The following SMPD1 variants were observed in gnomAD, a reference collection of about 807,000 sequenced individuals.
SMPD1 encodes the protein sphingomyelin phosphodiesterase.
In SMPD1, 47 loss-of-function variants were observed where a neutral mutation model predicts 49.7. The observed-to-expected ratio is 0.95, with a 90% confidence interval of 0.75 to 1.21. The LOEUF (loss-of-function observed/expected upper bound fraction) is 1.21. Among genes scored for constraint, SMPD1 ranks in the 50% most tolerant of loss-of-function variants. The pLI is 0.00. For missense variants in SMPD1, 811 were observed against 822.2 expected (o/e 0.99, Z 0.17); for synonymous variants, 336 against 339.6 (o/e 0.99, Z 0.12).
intron 2 of SMPD1, 149 bp downstream of exon 2, chr11:6,392,305 T>C: frequency 1.3e-6 from 1 of 747,514 alleles, no homozygotes; most frequent in African/African-American, 1.8e-5. Flanking sequence ...CCTCCTTCCC[T>C]TTCTACTGTT....
In SMPD1 at chr11:6,390,822, G is replaced by T; in HGVS notation, c.224G>T (p.Arg75Leu). The T allele has an allele frequency of 6.2e-7, 1 of 1,614,086 alleles. No homozygotes were observed. Among genetic ancestry groups the T allele is most frequent in the Non-Finnish European group, 8.5e-7 (1 of 1,179,990 alleles). Residue 75 changes from arginine to leucine, a missense_variant, in exon 1 of 6, where the codon CGC becomes CTC. Coordinates refer to ENST00000342245, the MANE Select transcript of SMPD1 (RefSeq NM_000543.5). The part of the protein sequence containing the change: ...SPQGHPARLH[R>L]IVPRLRDVFG... ...CAAGGCCATCCTGCCAGGTTACATCGCATAGTGCCCCGGCTCCGAGATGTC... is the reference window on the plus strand; with the variant it reads ...CAAGGCCATCCTGCCAGGTTACATCTCATAGTGCCCCGGCTCCGAGATGTC...
intron 2 of SMPD1, 173 bp downstream of exon 2, chr11:6,392,329 C>CATTTTTTTTTT (rs1847963174): frequency 2.6e-6 from 1 of 377,886 alleles, no homozygotes; most frequent in Non-Finnish European, 4.5e-6. Context: ...CCGCACCAGG[C>CATTTTTTTTTT]TTTTTTTTTT....
At chr11:6,393,064 C>G (rs1387419244) in intron 2 of SMPD1, among the ~76,000 whole-genome samples, 152 bp from the exon 3 acceptor site, 2 of 152,108 alleles carry the variant, frequency 1.3e-5, no homozygotes, top group African/African-American at 2.4e-5. Context: ...CACACAGACC[C>G]AATAATTAGA....
rs767492080 is a variant in SMPD1, at chr11:6,393,621, A to G, written c.1268A>G (p.His423Arg). The G allele has an allele frequency of 1.2e-6, 2 of 1,612,754 alleles. No individual in the cohort carries two copies. Among genetic ancestry groups the G allele is most frequent in the Non-Finnish European group, 1.7e-6 (2 of 1,178,876 alleles). The change falls in exon 4 of 6, where the codon CAT becomes CGT. Residue 423 changes from histidine (H) to arginine (R), a missense_variant. By Grantham distance (29) the His-to-Arg change is conservative. Transcript: ENST00000342245. Reference sequence around the variant, plus strand: ...ATCCTTAATTCTCCCTACTAGGTGCATATAATTGGCCACATTCCCCCAGGG... The same window carrying G: ...ATCCTTAATTCTCCCTACTAGGTGCGTATAATTGGCCACATTCCCCCAGGG... ...QAAEDRGDKV[H>R]IIGHIPPGHC...
Position 6,390,711 on chromosome 11 carries a change from C to T in SMPD1, c.113C>T (p.Ala38Val), listed in dbSNP as rs71467507. ...PGLLWMGLVL[A>V]LALALALALA... is the part of the protein sequence containing the mutation. ...CTCCTTTGGATGGGCCTGGTGCTGG[C>T]GCTGGCGCTGGCGCTGGCGCTGGCG... Residue 38 changes from alanine to valine, a missense_variant, in exon 1 of 6, where the codon GCG (alanine) becomes GTG (valine). Physicochemically the swap from Ala to Val is moderately conservative, Grantham distance 64. Coordinates refer to ENST00000342245, the MANE Select transcript of SMPD1 (RefSeq NM_000543.5). 81 of 519,178 alleles carry T rather than the reference C, an allele frequency of 1.6e-4. No homozygotes were observed. Among genetic ancestry groups the T allele is most frequent in the Middle Eastern group, 4.1e-4 (1 of 2,418 alleles). The allele number at this position is 519,178 out of a possible 1,614,324, so 32.2% of individuals were successfully genotyped here. A position where few individuals can be genotyped will look rare whatever the true frequency, so the allele number is the denominator to read the frequency against.
chr11:6,390,561 C>A lies in SMPD1; in HGVS notation c.-38C>A. On this transcript the variant is annotated 5_prime_UTR_variant, in exon 1 of 6. Coordinates refer to ENST00000342245, the MANE Select transcript of SMPD1 (RefSeq NM_000543.5). ...TGGCTAGGGTCCAGGCCGGGGGGGACGGGACAGACGAACCAGCCCCGTGTA... is the reference window on the plus strand; with the variant it reads ...TGGCTAGGGTCCAGGCCGGGGGGGAAGGGACAGACGAACCAGCCCCGTGTA... The A allele has an allele frequency of 4.4e-6, 7 of 1,598,718 alleles. No homozygotes were observed. Among genetic ancestry groups the A allele is most frequent in the Non-Finnish European group, 6.0e-6 (7 of 1,174,086 alleles).
rs769808075 is a variant in SMPD1, at chr11:6,390,852, G to T, written c.254G>T (p.Gly85Val). 2.5e-6 allele frequency: 4 copies of T among 1,614,184 alleles called. No homozygotes were observed. The South Asian group carries it at 3.3e-5, about 13-fold the overall frequency. ...RIVPRLRDVF[G>V]WGNLTCPICK... The stretch of plus-strand genomic sequence containing the variant: ...GTGCCCCGGCTCCGAGATGTCTTTG[G>T]GTGGGGGAACCTCACCTGCCCAATC... The change falls in exon 1 of 6, where the codon GGG becomes GTG. Residue 85 changes from glycine to valine, a missense_variant. By Grantham distance (109) the Gly-to-Val change is moderately radical (BLOSUM62 -3). Coordinates refer to ENST00000342245, the MANE Select transcript of SMPD1 (RefSeq NM_000543.5).
chr11:6,392,322 C>T (rs921470513), intron 2 of SMPD1, 166 bp downstream of exon 2: 4 of 626,678 alleles, frequency 6.4e-6, no homozygotes, highest in South Asian at 2.2e-5. Context: ...TGTTTTGCCG[C>T]ACCAGGCTTT....
In SMPD1 at chr11:6,394,787, G is replaced by C; in HGVS notation, c.*180G>C. The C allele has an allele frequency of 1.6e-6, 1 of 639,598 alleles. No individual in the cohort carries two copies. The highest frequency in any genetic ancestry group is 2.7e-6 in the Non-Finnish European group (1 of 367,324). The allele number at this position is 639,598 out of a possible 1,614,324, so 39.6% of individuals were successfully genotyped here. A position where few individuals can be genotyped will look rare whatever the true frequency, so the allele number is the denominator to read the frequency against. On this transcript the variant is annotated 3_prime_UTR_variant, in exon 6 of 6. Coordinates refer to ENST00000342245, the MANE Select transcript of SMPD1 (RefSeq NM_000543.5). ...AGCTGGTTTAGCTGGATATGGGAGG[G>C]GGTTTGGCTGCCTGTGCCCAGGAGC...
At chr11:6,393,756 T>G in intron 4 of SMPD1, 63 bp downstream of exon 4, 1 of 1,558,898 alleles carries the variant, frequency 6.4e-7, no homozygotes, top group South Asian at 1.1e-5. Context: ...AAAATTCCCT[T>G]GAGCATCTCA....
chr11:6,393,701 G>A lies in SMPD1; in HGVS notation c.1340+8G>A, dbSNP rs373742012. 3.5e-5 allele frequency: 56 copies of A among 1,611,446 alleles called. No homozygotes were observed. The highest frequency in any genetic ancestry group is 8.9e-5 in the East Asian group (4 of 44,890). ...TTACCGAATTGTAGCCAGGTAGGAC[G>A]GAGATGAGGGTGGGAATAGGGACAG... On this transcript the variant is annotated splice_region_variant and intron_variant, in intron 4 of 5. Transcript: ENST00000342245.
chr11:6,390,997 G>A (rs1847885334), intron 1 of SMPD1, 81 bp downstream of exon 1: 1 of 1,533,734 alleles, frequency 6.5e-7, no homozygotes, highest in Non-Finnish European at 8.9e-7. Context: ...GGTGCGCTGG[G>A]CTCAGAATGC....
chr11:6,393,548 C>T (rs1425015283), intron 3 of SMPD1, 69 bp from the exon 4 acceptor site: 1 of 1,417,366 alleles, frequency 7.1e-7, no homozygotes, highest in Non-Finnish European at 1.0e-6. Context: ...CATTCAGTCC[C>T]CCTTTCTCTA....
rs201953350 is a variant in SMPD1 at position 6,393,904 on chromosome 11, A to G, written c.1349A>G (p.Asn450Ser). The G allele has an allele frequency of 6.2e-7, 1 of 1,614,100 alleles. No individual in the cohort carries two copies. Among genetic ancestry groups the G allele is most frequent in the Non-Finnish European group, 8.5e-7 (1 of 1,180,006 alleles). ...NYYRIVARYE[N>S]TLAAQFFGHT... The stretch of plus-strand genomic sequence containing the variant: ...TAGTACCTTCTGGCCAGGTATGAGA[A>G]CACCCTGGCTGCTCAGTTCTTTGGC... The change falls in exon 5 of 6, where the codon AAC becomes AGC. Residue 450 changes from asparagine (N) to serine (S), a missense_variant. Physicochemically the swap from Asn to Ser is conservative, Grantham distance 46. Coordinates refer to ENST00000342245, the MANE Select transcript of SMPD1 (RefSeq NM_000543.5).
At position 6,392,329 on chromosome 11, in the gene SMPD1, C is replaced by CT. The variant is rs756326903; in HGVS notation, c.1091+194dup. 0.022 allele frequency: 8,794 copies of CT among 402,862 alleles called. 109 individuals are homozygous for CT. Among genetic ancestry groups the CT allele is most frequent in the African/African-American group, 0.063 (2,082 of 32,918 alleles). The allele number at this position is 402,862 out of a possible 1,614,324, so 25.0% of individuals were successfully genotyped here. A position where few individuals can be genotyped will look rare whatever the true frequency, so the allele number is the denominator to read the frequency against. ...CTTTCTACTGTTTTGCCGCACCAGGCTTTTTTTTTTTTTTTTTTTTTAGTT... is the reference window on the plus strand; with the variant it reads ...CTTTCTACTGTTTTGCCGCACCAGGCTTTTTTTTTTTTTTTTTTTTTTAGTT... On this transcript the variant is annotated intron_variant, in intron 2 of 5. Transcript: ENST00000342245.
rs767291057 is a variant in SMPD1, at chr11:6,390,552, CG to C, written c.-40del. ...CCTGAGGGCTGGCTAGGGTCCAGGC[CG>C]GGGGGGACGGGACAGACGAACCAGC... On this transcript the variant is annotated 5_prime_UTR_variant, in exon 1 of 6. Transcript: ENST00000342245. 7.5e-6 allele frequency: 12 copies of C among 1,592,404 alleles called. No individual in the cohort carries two copies. Among genetic ancestry groups the C allele is most frequent in the African/African-American group, 2.7e-5 (2 of 74,718 alleles).
In SMPD1 at chr11:6,390,539, C is replaced by T. The variant is rs2134004102; in HGVS notation, c.-60C>T. On this transcript the variant is annotated 5_prime_UTR_variant, in exon 1 of 6. Coordinates refer to ENST00000342245, the MANE Select transcript of SMPD1 (RefSeq NM_000543.5). ...CGCCGCCCGGGGCCCTGAGGGCTGG[C>T]TAGGGTCCAGGCCGGGGGGGACGGG... 2 of 1,581,316 alleles carry T rather than the reference C, an allele frequency of 1.3e-6. No individual in the cohort carries two copies. The highest frequency in any genetic ancestry group is 1.7e-6 in the Non-Finnish European group (2 of 1,165,570).
intron 2 of SMPD1, 103 bp from the exon 3 acceptor site, chr11:6,393,113 G>T: frequency 1.1e-6 from 1 of 909,890 alleles, no homozygotes; most frequent in Non-Finnish European, 1.7e-6. Context: ...CTCCTTGCAG[G>T]TGGGGAAGAT....
chr11:6,393,831 C>T (rs1848053860), intron 4 of SMPD1, 65 bp from the exon 5 acceptor site: 15 of 1,593,224 alleles, frequency 9.4e-6, no homozygotes, highest in Non-Finnish European at 1.1e-5. Flanking sequence ...AAGAGGGCAT[C>T]CTATCTCCCC....
Sources: gnomAD v4.1 joint callset for allele counts (sites outside exome capture counted in the v4.1 genomes callset) on GRCh38, gnomAD v4.1.1 for gene constraint, MANE v1.5 for transcripts, NCBI Gene and HGNC (gene_info 2026-07-23, HGNC 2026-07-21) for gene names.